Variants in TC2N observed in about 807,000 individuals in gnomAD.
TC2N encodes the protein tandem C2 domains, nuclear.
Under a neutral mutation model 61.9 loss-of-function variants are expected in TC2N, and 51 were observed. That is an observed-to-expected ratio of 0.82 (90% CI 0.66 to 1.04). The LOEUF is 1.04. Among genes scored for constraint, TC2N ranks in the 50% least tolerant of loss-of-function variants. TC2N has a pLI of 0.00. For missense variants in TC2N, 556 were observed against 566.7 expected (o/e 0.98, Z 0.19); for synonymous variants, 204 against 192.6 (o/e 1.06, Z -0.49).
intron 1 of TC2N, among the ~76,000 whole-genome samples, chr14:91,857,834 T>C (rs1307587489): frequency 6.6e-6 from 1 of 152,148 alleles, no homozygotes; most frequent in Non-Finnish European, 1.5e-5. Context: ...GAGCCATGCA[T>C]TGAATTGGGA....
At position 91,780,804 on chromosome 14, in the gene TC2N, A is replaced by G. The variant is rs1239822542; in HGVS notation, c.*2296T>C. The G allele has an allele frequency of 1.3e-5, 2 of 152,172 alleles. No homozygotes were observed. Among genetic ancestry groups the G allele is most frequent in the African/African-American group, 2.4e-5 (1 of 41,440 alleles). The allele number at this position is 152,172 out of a possible 1,614,324, so 9.4% of individuals were successfully genotyped here. ...TTTTCTCACAATATGCATACCTATT[A>G]GCAGGAGATTGGATTTTTATTTATA... On this transcript the variant is annotated 3_prime_UTR_variant, in exon 12 of 12. Coordinates refer to ENST00000435962, the MANE Select transcript of TC2N (RefSeq NM_001128596.3).
chr14:91,852,915 C>CA (rs951968176), intron 1 of TC2N, among the ~76,000 whole-genome samples: 1 of 151,832 alleles, frequency 6.6e-6, no homozygotes, highest in African/African-American at 2.4e-5. Flanking sequence ...ACTAAAAATA[C>CA]AAAAAATTAG....
chr14:91,785,135 TAAGG>T, intron 11 of TC2N, 23 bp downstream of exon 11: 1 of 1,526,248 alleles, frequency 6.6e-7, no homozygotes, highest in Non-Finnish European at 9.0e-7. Context: ...TAGAAAAATA[TAAGG>T]AAGGATAAAA....
intron 9 of TC2N, among the ~76,000 whole-genome samples, chr14:91,788,100 CAG>C (rs1483129941): frequency 6.6e-6 from 1 of 151,852 alleles, no homozygotes; most frequent in Non-Finnish European, 1.5e-5. Flanking sequence ...CAGCAATAAA[CAG>C]ATCTGTGGAT....
chr14:91,856,922 G>T (rs1222423471), intron 1 of TC2N, among the ~76,000 whole-genome samples: 1 of 152,286 alleles, frequency 6.6e-6, no homozygotes, highest in African/African-American at 2.4e-5. Flanking sequence ...GGAGAGCCCC[G>T]TGGATTAAGC....
At chr14:91,803,734 G>C (rs1886374353) in intron 3 of TC2N, among the ~76,000 whole-genome samples, 2 of 152,142 alleles carry the variant, frequency 1.3e-5, no homozygotes, top group African/African-American at 4.8e-5. Context: ...GGGATTACAG[G>C]CATGAACCAC....
Position 91,851,809 on chromosome 14 carries a change from C to T in TC2N, c.-57+15453G>A, listed in dbSNP as rs184018885. The stretch of plus-strand genomic sequence containing the variant: ...GCCACCAATGTTTATCCTGGATCAT[C>T]ATGAAGTAAAACTCTATACGTGGTG... On this transcript the variant is annotated intron_variant, in intron 1 of 11. Transcript: ENST00000435962. Among the ~76,000 whole-genome samples, 461 of 152,290 alleles carry T rather than the reference C, an allele frequency of 3.0e-3. 1 individual carries two copies. The highest frequency in any genetic ancestry group is 5.7e-3 in the Admixed American group (87 of 15,308).
intron 1 of TC2N, among the ~76,000 whole-genome samples, chr14:91,827,697 G>A (rs1048720517): frequency 6.6e-6 from 1 of 152,126 alleles, no homozygotes; most frequent in African/African-American, 2.4e-5. Context: ...TTAGGACATG[G>A]TAATCTTTGT....
chr14:91,806,261 A>T (rs944824669), intron 3 of TC2N, among the ~76,000 whole-genome samples: 4 of 152,176 alleles, frequency 2.6e-5, no homozygotes, highest in Non-Finnish European at 5.9e-5. Context: ...AAATGGACTA[A>T]TATAGTAAAC....
At chr14:91,802,484 G>A in intron 3 of TC2N, 63 bp from the exon 4 acceptor site, 1 of 1,485,388 alleles carries the variant, frequency 6.7e-7, no homozygotes, top group South Asian at 1.2e-5. Flanking sequence ...GCCAACAGCT[G>A]GTACACCCAG....
chr14:91,819,629 T>C (rs564979248), intron 1 of TC2N, among the ~76,000 whole-genome samples: 4 of 152,156 alleles, frequency 2.6e-5, no homozygotes, highest in Non-Finnish European at 4.4e-5. Context: ...AAGTGCACCA[T>C]AAGTATAAAT....
intron 1 of TC2N, among the ~76,000 whole-genome samples, chr14:91,824,864 G>A (rs1887420042): frequency 6.6e-6 from 1 of 152,058 alleles, no homozygotes; most frequent in African/African-American, 2.4e-5. Context: ...TGATGGTGGA[G>A]CATTCCAGAA....
chr14:91,863,728 G>A (rs1389424782), intron 1 of TC2N, among the ~76,000 whole-genome samples: 1 of 150,106 alleles, frequency 6.7e-6, no homozygotes, highest in Non-Finnish European at 1.5e-5. Context: ...GATCACAGCT[G>A]CAATCCTAGC....
intron 1 of TC2N, among the ~76,000 whole-genome samples, chr14:91,849,703 G>A (rs1206340475): frequency 6.6e-6 from 1 of 152,166 alleles, no homozygotes; most frequent in Non-Finnish European, 1.5e-5. Flanking sequence ...TTGCATAAAT[G>A]TTTATTTTCT....
chr14:91,804,470 T>C lies in TC2N; in HGVS notation c.302-2049A>G, dbSNP rs181940367. Among the ~76,000 whole-genome samples the C allele has an allele frequency of 2.0e-5, 3 of 152,276 alleles. No individual in the cohort carries two copies. In the East Asian group the frequency reaches 5.8e-4, roughly 29 times the overall value. On this transcript the variant is annotated intron_variant, in intron 3 of 11. Transcript: ENST00000435962. ...CATCAACAGTAAAATAGATATAGTA[T>C]ATACTTACTACATACAAATTCCTTA...
intron 1 of TC2N, among the ~76,000 whole-genome samples, chr14:91,844,059 A>G (rs1374076559): frequency 2.0e-5 from 3 of 151,828 alleles, no homozygotes; most frequent in Non-Finnish European, 4.4e-5. Flanking sequence ...AAAGGAAAAA[A>G]AAATGCAAAT....
chr14:91,820,158 T>C (rs1462311029), intron 1 of TC2N, among the ~76,000 whole-genome samples: 3 of 152,046 alleles, frequency 2.0e-5, no homozygotes, highest in African/African-American at 7.2e-5. Flanking sequence ...ACAAGAAACA[T>C]TTTAAATACA....
At chr14:91,796,771 T>A (rs1321377987) in intron 8 of TC2N, among the ~76,000 whole-genome samples, 1 of 152,098 alleles carries the variant, frequency 6.6e-6, no homozygotes, top group Non-Finnish European at 1.5e-5. Flanking sequence ...CATTTTAATT[T>A]TGGACTTTCT....
chr14:91,814,246 AAAAG>A (rs1886908433), intron 1 of TC2N, among the ~76,000 whole-genome samples: 3 of 151,332 alleles, frequency 2.0e-5, no homozygotes, highest in Non-Finnish European at 4.4e-5. Flanking sequence ...GAAAGAAGAA[AAAAG>A]AAAGAGGTAA....
Sources: gnomAD v4.1 joint callset for allele counts (sites outside exome capture counted in the v4.1 genomes callset) on GRCh38, gnomAD v4.1.1 for gene constraint, MANE v1.5 for transcripts, NCBI Gene and HGNC (gene_info 2026-07-23, HGNC 2026-07-21) for gene names.